TMEM114: variants seen among roughly 807,000 people sequenced by gnomAD.
TMEM114 encodes claudin-26.
A neutral mutation model predicts 6.2 loss-of-function variants in TMEM114; 6 were observed. The observed-to-expected ratio is 0.97, with a 90% confidence interval of 0.53 to 1.91. The LOEUF (loss-of-function observed/expected upper bound fraction) is 1.91. Ranked by LOEUF, TMEM114 falls within the 40% of genes most tolerant of loss-of-function variation. TMEM114 has a pLI of 0.01. For synonymous variants in TMEM114, 104 were observed against 73.0 expected (o/e 1.42, Z -2.16); for missense variants, 218 against 158.3 (o/e 1.38, Z -2.02).
chr16:8,582,760 C>G (rs1233791601), intron 2 of TMEM114, among the ~76,000 whole-genome samples: 2 of 152,148 alleles, frequency 1.3e-5, no homozygotes, highest in Non-Finnish European at 2.9e-5. Context: ...CATGGTGGTG[C>G]ACACCTGTGG....
At chr16:8,583,470 C>A (rs868043159) in intron 2 of TMEM114, among the ~76,000 whole-genome samples, 71 of 151,980 alleles carry the variant, frequency 4.7e-4, no homozygotes, top group African/African-American at 1.6e-3. Context: ...GCTGGCCGAG[C>A]ACAGTGGTTC....
chr16:8,575,994 G>T (rs1901911989), intron 2 of TMEM114, among the ~76,000 whole-genome samples: 1 of 152,124 alleles, frequency 6.6e-6, no homozygotes, highest in Admixed American at 6.5e-5. Flanking sequence ...CTGGGAACTG[G>T]CATGGCGCTC....
At chr16:8,581,061 G>A (rs3924628) in intron 2 of TMEM114, among the ~76,000 whole-genome samples, 50,786 of 151,962 alleles carry the variant, frequency 0.33, 8,631 homozygotes, top group Middle Eastern at 0.38. Context: ...AATCATAATT[G>A]GCAGTATATT....
Position 8,553,609 on chromosome 16 carries a change from C to T in TMEM114, n.213-15783G>A, listed in dbSNP as rs534615830. 1.8e-4 allele frequency among the ~76,000 whole-genome samples: 28 copies of T among 152,296 alleles called. No homozygotes were observed. The South Asian group carries it at 5.6e-3, about 30-fold the overall frequency. On this transcript the variant is annotated intron_variant and non_coding_transcript_variant, in intron 2 of 2. Coordinates refer to the TMEM114 transcript ENST00000623677. ...CACGCCATTCTCCTGCCTCAGCCTC[C>T]CAAGTAGCTGGGACTGCCGGCGCCT...
intron 2 of TMEM114, among the ~76,000 whole-genome samples, chr16:8,546,536 T>C (rs1596468795): frequency 6.6e-6 from 1 of 152,270 alleles, no homozygotes; most frequent in East Asian, 1.9e-4. Flanking sequence ...TTGTAGAAAG[T>C]CCGGCCACTA....
chr16:8,536,148 C>A (rs186537024), downstream of TMEM114, among the ~76,000 whole-genome samples: 192 of 151,722 alleles, frequency 1.3e-3, no homozygotes, highest in African/African-American at 4.6e-3. Context: ...TCACTTGAAC[C>A]TGGGAGGCGG....
intron 2 of TMEM114, among the ~76,000 whole-genome samples, chr16:8,548,771 T>C (rs965163189): frequency 6.6e-6 from 1 of 151,366 alleles, no homozygotes; most frequent in Admixed American, 6.6e-5. Flanking sequence ...GAAATGACCA[T>C]GTGAAATATT....
At chr16:8,567,854 G>A (rs1901596640), downstream of TMEM114, among the ~76,000 whole-genome samples, 1 of 152,176 alleles carries the variant, frequency 6.6e-6, no homozygotes, top group South Asian at 2.1e-4. Context: ...TAGCATGGTT[G>A]CCCTCACTTT....
intron 2 of TMEM114, among the ~76,000 whole-genome samples, chr16:8,559,989 T>C (rs9302869): frequency 0.98 from 149,549 of 152,206 alleles, 73,480 homozygotes; most frequent in Middle Eastern, 1. Flanking sequence ...TTCTGGCTAA[T>C]GATCTTGTTG....
At chr16:8,532,807 C>T (rs990520466), downstream of TMEM114, among the ~76,000 whole-genome samples, 1 of 152,020 alleles carries the variant, frequency 6.6e-6, no homozygotes, top group Non-Finnish European at 1.5e-5. Flanking sequence ...GCCTGTAATC[C>T]CAGCTACTCA....
downstream of TMEM114, among the ~76,000 whole-genome samples, chr16:8,537,217 C>T (rs1434024618): frequency 6.6e-6 from 1 of 152,002 alleles, no homozygotes; most frequent in African/African-American, 2.4e-5. Context: ...AAAACAAAAA[C>T]AGGCCAGGCA....
chr16:8,543,839 A>G (rs1168645987), intron 2 of TMEM114, among the ~76,000 whole-genome samples: 1 of 152,208 alleles, frequency 6.6e-6, no homozygotes, highest in Non-Finnish European at 1.5e-5. Flanking sequence ...GAACAAATAA[A>G]TATTCTCTAT....
chr16:8,563,774 T>A (rs1370786443), intron 2 of TMEM114, among the ~76,000 whole-genome samples: 2 of 145,784 alleles, frequency 1.4e-5, no homozygotes, highest in Admixed American at 1.4e-4. Flanking sequence ...AATGAGTGAG[T>A]GAATGACTGA....
At chr16:8,551,155 A>T (rs7195733) in intron 2 of TMEM114, among the ~76,000 whole-genome samples, 67,507 of 151,790 alleles carry the variant, frequency 0.44, 15,719 homozygotes, top group African/African-American at 0.57. Context: ...AGGATCCCCT[A>T]GAATTCTGGT....
rs1285231431 is a variant in TMEM114 at position 8,563,649 on chromosome 16, G to T, written n.212+25564C>A. ...AGTGAGTGAATGAGTAAATGAGTGA[G>T]TGAATGAGTGAGCGAATAAGTAAGT... On this transcript the variant is annotated intron_variant and non_coding_transcript_variant, in intron 2 of 2. Transcript: ENST00000623677. Among the ~76,000 whole-genome samples the T allele has an allele frequency of 9.9e-5, 15 of 151,506 alleles. No individual in the cohort carries two copies. The East Asian group carries it at 2.9e-3, about 29-fold the overall frequency.
At chr16:8,561,990 A>G (rs7405305) in intron 2 of TMEM114, among the ~76,000 whole-genome samples, 132,971 of 148,964 alleles carry the variant, frequency 0.89, 59,304 homozygotes, top group African/African-American at 0.95. Context: ...ATGAGTGAGT[A>G]TATGAATGAG....
chr16:8,556,606 A>T (rs1307918298), intron 2 of TMEM114, among the ~76,000 whole-genome samples: 2 of 151,958 alleles, frequency 1.3e-5, no homozygotes, highest in Non-Finnish European at 2.9e-5. Flanking sequence ...AGATCAAGTG[A>T]TTCTCCTGCC....
intron 2 of TMEM114, among the ~76,000 whole-genome samples, chr16:8,538,116 T>C (rs1900413992): frequency 8.8e-6 from 1 of 113,552 alleles, no homozygotes; most frequent in Non-Finnish European, 1.6e-5. Context: ...CTGGACAGCA[T>C]GGTGTGACTG....
At chr16:8,565,408 T>C (rs1260188014), downstream of TMEM114, among the ~76,000 whole-genome samples, 1 of 152,136 alleles carries the variant, frequency 6.6e-6, no homozygotes, top group Non-Finnish European at 1.5e-5. Context: ...TAGAGCGCCT[T>C]CTCTGAGAGA....
Sources: allele counts gnomAD v4.1 joint callset (sites outside exome capture counted in the v4.1 genomes callset), GRCh38; gene constraint gnomAD v4.1.1; transcripts MANE v1.5; gene names NCBI Gene and HGNC (gene_info 2026-07-23, HGNC 2026-07-21).